The following TECPR1 variants were observed in gnomAD, a reference collection of about 807,000 sequenced individuals.
TECPR1 encodes the protein tectonin beta-propeller repeat containing 1.
Under a neutral mutation model 162.4 loss-of-function variants are expected in TECPR1, and 122 were observed. The observed-to-expected ratio is 0.75, with a 90% CI of 0.65 to 0.87. The LOEUF (loss-of-function observed/expected upper bound fraction) is 0.87. TECPR1 is among the 40% of genes least tolerant of loss of function. The probability of loss-of-function intolerance (pLI) is 0.00; values close to 1 mark genes in which losing one functional copy is unlikely to be tolerated. For synonymous variants in TECPR1, 642 were observed against 670.6 expected, an observed-to-expected ratio of 0.96 and a Z score of 0.66; for missense variants, 1,432 against 1,618.2, an observed-to-expected ratio of 0.88 and a Z score of 1.97.
intron 2 of TECPR1, among the ~76,000 whole-genome samples, chr7:98,246,472 G>C (rs1324584255): frequency 1.3e-5 from 2 of 152,046 alleles, no homozygotes; most frequent in Non-Finnish European, 2.9e-5. Context: ...TCGCCACATT[G>C]GCCAGGCTGG....
In TECPR1 at chr7:98,238,612, T is replaced by A; in HGVS notation, c.934-2A>T. ...GTTGACGCCTCTTCGGAACCACACC[T>A]GGGGGAGTCAGAAATAAACATGCCT... On this transcript the variant is annotated splice_acceptor_variant, in intron 8 of 25. Transcript: ENST00000447648. LOFTEE classifies it high-confidence loss of function. The A allele has an allele frequency of 6.4e-7, 1 of 1,560,970 alleles. No homozygotes were observed. Among genetic ancestry groups the A allele is most frequent in the Non-Finnish European group, 8.7e-7 (1 of 1,152,372 alleles).
chr7:98,217,173 T>G lies in TECPR1; in HGVS notation c.*217A>C. The G allele has an allele frequency of 3.8e-6, 2 of 525,364 alleles. No individual in the cohort carries two copies. Among genetic ancestry groups the G allele is most frequent in the Non-Finnish European group, 6.7e-6 (2 of 296,892 alleles). 32.5% of individuals were successfully genotyped at this position (525,364 alleles called of 1,614,324 possible). ...CCCATGCCCCACACCCCGGGACTCC[T>G]CGCAGACGGGGACACGTGTGGGAGT... On this transcript the variant is annotated 3_prime_UTR_variant, in exon 26 of 26. Coordinates refer to ENST00000447648, the MANE Select transcript of TECPR1 (RefSeq NM_015395.3).
At chr7:98,226,584 G>C (rs1202997982) in intron 17 of TECPR1, 1 of 1,043,858 alleles carries the variant, frequency 9.6e-7, no homozygotes, top group African/African-American at 1.7e-5. Flanking sequence ...AGAGTTGTCA[G>C]AGAGTTTGTT....
In TECPR1 at chr7:98,232,207, C is replaced by T. The variant is rs1388692078; in HGVS notation, c.1819-248G>A. Among the ~76,000 whole-genome samples, 3 of 152,164 alleles carry T rather than the reference C, an allele frequency of 2.0e-5. No homozygotes were observed. The highest frequency in any genetic ancestry group is 1.5e-5 in the Non-Finnish European group (1 of 68,032). ...TCTCAAACAGCCAGAGTGGGCACTGCCATCCCGCCTTCTGCATGGGGAGAC... is the reference window on the plus strand; with the variant it reads ...TCTCAAACAGCCAGAGTGGGCACTGTCATCCCGCCTTCTGCATGGGGAGAC... On this transcript the variant is annotated intron_variant, in intron 12 of 25. Transcript: ENST00000447648. The surrounding 1 kb of genome is among the most constrained non-coding windows in gnomAD (Gnocchi z 4.6).
intron 17 of TECPR1, chr7:98,226,767 C>T: frequency 1.4e-6 from 1 of 733,690 alleles, no homozygotes; most frequent in South Asian, 1.5e-5. Flanking sequence ...AATCCTGTCT[C>T]TACTAAAAAT....
chr7:98,227,935 G>T, intron 17 of TECPR1, 79 bp downstream of exon 17: 2 of 1,190,732 alleles, frequency 1.7e-6, no homozygotes, highest in Non-Finnish European at 2.4e-6. Context: ...CCACGCTACG[G>T]TGGATGTTGC....
chr7:98,223,927 C>T (rs1798209411), intron 19 of TECPR1, among the ~76,000 whole-genome samples: 1 of 152,178 alleles, frequency 6.6e-6, no homozygotes, highest in South Asian at 2.1e-4. Flanking sequence ...GAGTGCAGCC[C>T]TGGGGACCTG....
At chr7:98,228,913 G>C (rs1798348090) in intron 16 of TECPR1, 126 bp downstream of exon 16, 1 of 1,350,868 alleles carries the variant, frequency 7.4e-7, no homozygotes, top group Non-Finnish European at 9.9e-7. Flanking sequence ...AAGGTCACCT[G>C]TCAGCCAGCT....
chr7:98,217,679 G>A lies in TECPR1; in HGVS notation c.3384+13C>T, dbSNP rs374994151. On this transcript the variant is annotated intron_variant, in intron 25 of 25. Coordinates refer to ENST00000447648, the MANE Select transcript of TECPR1 (RefSeq NM_015395.3). The stretch of plus-strand genomic sequence containing the variant: ...AGGTGATAACACAGCCCAAGGCCGC[G>A]GGCCCCGCTCACCCCGATGCCGTAG... 32 of 1,533,192 alleles carry A rather than the reference G, an allele frequency of 2.1e-5. No individual in the cohort carries two copies. The highest frequency in any genetic ancestry group is 2.0e-4 in the Middle Eastern group (1 of 5,028). The allele number at this position is 1,533,192 out of a possible 1,614,324, so 95.0% of individuals were successfully genotyped here. A position where few individuals can be genotyped will look rare whatever the true frequency, so the allele number is the denominator to read the frequency against.
At chr7:98,229,698 G>C (rs1798371121) in intron 15 of TECPR1, among the ~76,000 whole-genome samples, 1 of 152,196 alleles carries the variant, frequency 6.6e-6, no homozygotes, top group Non-Finnish European at 1.5e-5. Flanking sequence ...GCTGGTGCAG[G>C]TCACAGCCTC....
At chr7:98,223,246 C>T in intron 20 of TECPR1, 76 bp from the exon 21 acceptor site, 1 of 1,438,336 alleles carries the variant, frequency 7.0e-7, no homozygotes, top group South Asian at 1.4e-5. Context: ...CCTCTGGAGC[C>T]AGGAGGAGGA....
chr7:98,219,578 G>A (rs1798094523), intron 23 of TECPR1, among the ~76,000 whole-genome samples: 1 of 152,196 alleles, frequency 6.6e-6, no homozygotes, highest in African/African-American at 2.4e-5. Flanking sequence ...ATCCAAAAGT[G>A]GCCAAATGAC....
At chr7:98,239,985 C>T (rs369849726) in intron 8 of TECPR1, among the ~76,000 whole-genome samples, 13 of 152,088 alleles carry the variant, frequency 8.5e-5, no homozygotes, top group African/African-American at 3.1e-4. Flanking sequence ...TGGCGGGCGC[C>T]TGTAGCCCCG....
At position 98,215,964 on chromosome 7, in the gene TECPR1, A is replaced by G. The variant is rs1797996918; in HGVS notation, c.*1426T>C. On this transcript the variant is annotated 3_prime_UTR_variant, in exon 26 of 26. Coordinates refer to ENST00000447648, the MANE Select transcript of TECPR1 (RefSeq NM_015395.3). ...CAGCAAAACTGTACAAATACACACA[A>G]CGGACCCCCAGCTGACAGTGAGACC... The G allele has an allele frequency of 6.6e-6, 1 of 152,192 alleles. No individual in the cohort carries two copies. The highest frequency in any genetic ancestry group is 1.5e-5 in the Non-Finnish European group (1 of 68,066). 9.4% of individuals were successfully genotyped at this position (152,192 alleles called of 1,614,324 possible).
In TECPR1 at chr7:98,217,320, G is replaced by A; in HGVS notation, c.*70C>T. ...CATTGCTCCCACGGTGCACACTCCA[G>A]CACAAGAATGGCTCAGCCTTGATCC... On this transcript the variant is annotated 3_prime_UTR_variant, in exon 26 of 26. Transcript: ENST00000447648. 1 of 1,063,336 alleles carries A rather than the reference G, an allele frequency of 9.4e-7. No individual in the cohort carries two copies. Among genetic ancestry groups the A allele is most frequent in the Non-Finnish European group, 1.3e-6 (1 of 745,610 alleles). 65.9% of individuals were successfully genotyped at this position (1,063,336 alleles called of 1,614,324 possible). A position where few individuals can be genotyped will look rare whatever the true frequency, so the allele number is the denominator to read the frequency against.
In TECPR1 at chr7:98,217,261, G is replaced by T; in HGVS notation, c.*129C>A. On this transcript the variant is annotated 3_prime_UTR_variant, in exon 26 of 26. Coordinates refer to ENST00000447648, the MANE Select transcript of TECPR1 (RefSeq NM_015395.3). Reference sequence around the variant, plus strand: ...GTGCCTCTGAAGTGGCCGCAGCCTTGGGGCCAGGTTCCCTCCTGAGTCCAC... The same window carrying T: ...GTGCCTCTGAAGTGGCCGCAGCCTTTGGGCCAGGTTCCCTCCTGAGTCCAC... 1 of 657,982 alleles carries T rather than the reference G, an allele frequency of 1.5e-6. No individual in the cohort carries two copies. Among genetic ancestry groups the T allele is most frequent in the Non-Finnish European group, 2.6e-6 (1 of 389,250 alleles). 40.8% of individuals were successfully genotyped at this position (657,982 alleles called of 1,614,324 possible). A position where few individuals can be genotyped will look rare whatever the true frequency, so the allele number is the denominator to read the frequency against.
intron 23 of TECPR1, among the ~76,000 whole-genome samples, chr7:98,220,752 G>T (rs1798120740): frequency 6.6e-6 from 1 of 152,020 alleles, no homozygotes; most frequent in African/African-American, 2.4e-5. Context: ...TAGAGACAGG[G>T]TTTCACTGTT....
intron 19 of TECPR1, among the ~76,000 whole-genome samples, chr7:98,224,545 A>G (rs1584326517): frequency 6.6e-6 from 1 of 152,038 alleles, no homozygotes; most frequent in Non-Finnish European, 1.5e-5. Context: ...GGCGTGGGGG[A>G]GCCATGGTGC....
In TECPR1 at chr7:98,215,121, T is replaced by A. The variant is rs1797972500; in HGVS notation, c.*2269A>T. 6.6e-6 allele frequency: 1 copy of A among 152,214 alleles called. No homozygotes were observed. Among genetic ancestry groups the A allele is most frequent in the Non-Finnish European group, 1.5e-5 (1 of 68,056 alleles). 9.4% of individuals were successfully genotyped at this position (152,214 alleles called of 1,614,324 possible). Reference sequence around the variant, plus strand: ...TCCCTCAAGTCCCTGCACAAGCAGGTCAGAGACCCACCCACATGCCGTTCC... The same window carrying A: ...TCCCTCAAGTCCCTGCACAAGCAGGACAGAGACCCACCCACATGCCGTTCC... On this transcript the variant is annotated 3_prime_UTR_variant, in exon 26 of 26. Coordinates refer to ENST00000447648, the MANE Select transcript of TECPR1 (RefSeq NM_015395.3).
Sources: gnomAD v4.1 joint callset for allele counts (sites outside exome capture counted in the v4.1 genomes callset) on GRCh38, gnomAD v4.1.1 for gene constraint, Gnocchi (gnomAD v3.1) non-coding constraint, MANE v1.5 for transcripts, NCBI Gene and HGNC (gene_info 2026-07-23, HGNC 2026-07-21) for gene names.